Variants in ZNF493 observed in about 807,000 individuals in gnomAD.
The protein encoded by ZNF493 is zinc finger protein 493.
Under a neutral mutation model 12.2 loss-of-function variants are expected in ZNF493, and 11 were observed. The ratio of observed to expected loss-of-function variants is 0.90; its 90% CI spans 0.57 to 1.50. ZNF493 has a LOEUF of 1.50. ZNF493 is among the 40% of genes most tolerant of loss of function. The pLI, the probability that ZNF493 is intolerant of heterozygous loss-of-function variation, is 0.00. For missense variants in ZNF493, 950 were observed against 906.6 expected, an observed-to-expected ratio of 1.05 and a Z score of -0.61; for synonymous variants, 286 against 302.6, an observed-to-expected ratio of 0.95 and a Z score of 0.57.
intron 3 of ZNF493, chr19:21,413,567 A>T (rs1005457031): frequency 2.5e-6 from 1 of 407,224 alleles, no homozygotes; most frequent in Non-Finnish European, 4.3e-6. Flanking sequence ...CTCAGCATCA[A>T]TCTTGACATG....
chr19:21,415,260 TA>T (rs1430308392), intron 3 of ZNF493, among the ~76,000 whole-genome samples: 1 of 152,200 alleles, frequency 6.6e-6, no homozygotes, highest in Non-Finnish European at 1.5e-5. Flanking sequence ...CAATTAGTTG[TA>T]ACTCTCCCTC....
chr19:21,423,878 T>C lies in ZNF493; in HGVS notation c.1219T>C (p.Cys407Arg), dbSNP rs1424816380. ...TCACACTGAAGAGAAATCCCACAGA[T>C]GTGAAGAATGTGGCAAAGCTTATAA... ...IIHTEEKSHR[C>R]EECGKAYKES... Residue 407 changes from cysteine (C) to arginine (R), a missense_variant, in exon 4 of 4, where the codon TGT becomes CGT. Physicochemically the swap from Cys to Arg is radical, Grantham distance 180. Transcript: ENST00000392288. 6.2e-7 allele frequency: 1 copy of C among 1,613,522 alleles called. No homozygotes were observed.
chr19:21,417,671 CCAGTTGTGCAT>C (rs1253872691), intron 3 of ZNF493, among the ~76,000 whole-genome samples: 2 of 152,144 alleles, frequency 1.3e-5, no homozygotes, highest in African/African-American at 2.4e-5. Flanking sequence ...TCCTGCATGA[CCAGTTGTGCAT>C]CTAAACCAGC....
At position 21,426,231 on chromosome 19, in the gene ZNF493, TG is replaced by T; in HGVS notation, c.*1248del. ...AAAGTATTTAAATGGTTGTCACACT[TG>T]ATTATAGGTAATATTCATATTGGAA... On this transcript the variant is annotated 3_prime_UTR_variant, in exon 4 of 4. Transcript: ENST00000392288. 1 of 202,380 alleles carries T rather than the reference TG, an allele frequency of 4.9e-6. No individual in the cohort carries two copies. Among genetic ancestry groups the T allele is most frequent in the East Asian group, 1.4e-4 (1 of 7,076 alleles). 12.5% of individuals were successfully genotyped at this position (202,380 alleles called of 1,614,324 possible). A position where few individuals can be genotyped will look rare whatever the true frequency, so the allele number is the denominator to read the frequency against.
At chr19:21,421,897 G>C (rs755465970) in intron 3 of ZNF493, among the ~76,000 whole-genome samples, 1 of 152,014 alleles carries the variant, frequency 6.6e-6, no homozygotes, top group Non-Finnish European at 1.5e-5. Flanking sequence ...TGAGGCAGGA[G>C]TGCAGTGGCA....
intron 3 of ZNF493, among the ~76,000 whole-genome samples, chr19:21,409,530 G>A (rs865802635): frequency 6.6e-6 from 1 of 151,538 alleles, no homozygotes; most frequent in African/African-American, 2.4e-5. Context: ...GATCACTTGA[G>A]CCCAAAAGTG....
At chr19:21,408,235 C>G in intron 3 of ZNF493, 1 of 714,688 alleles carries the variant, frequency 1.4e-6, no homozygotes, top group Non-Finnish European at 1.7e-6. Context: ...AAGCGATTCT[C>G]CTACCTCAGC....
In ZNF493 at chr19:21,426,954, T is replaced by C. The variant is rs1199563546; in HGVS notation, c.*1970T>C. 9.2e-6 allele frequency: 1 copy of C among 108,770 alleles called. No homozygotes were observed. The highest frequency in any genetic ancestry group is 2.5e-5 in the Non-Finnish European group (1 of 39,330). 6.7% of individuals were successfully genotyped at this position (108,770 alleles called of 1,614,324 possible). On this transcript the variant is annotated 3_prime_UTR_variant, in exon 4 of 4. Coordinates refer to ENST00000392288, the MANE Select transcript of ZNF493 (RefSeq NM_001076678.3). Reference sequence around the variant, plus strand: ...ATAACTATATTCGGATTATACTTTGTTTCTTGAAAAAATTACAGATTTTTT... The same window carrying C: ...ATAACTATATTCGGATTATACTTTGCTTCTTGAAAAAATTACAGATTTTTT...
At chr19:21,398,509 A>C (rs983498084) in intron 1 of ZNF493, 1 of 295,506 alleles carries the variant, frequency 3.4e-6, no homozygotes, top group East Asian at 1.4e-4. Context: ...TTTCCTGGTC[A>C]TGGGTTTCAG....
At chr19:21,404,489 T>G (rs1429231833) in intron 1 of ZNF493, among the ~76,000 whole-genome samples, 1 of 152,226 alleles carries the variant, frequency 6.6e-6, no homozygotes, top group Non-Finnish European at 1.5e-5. Context: ...GCATAAACCA[T>G]CACATTTAAT....
At chr19:21,421,303 A>G (rs2030671854) in intron 3 of ZNF493, among the ~76,000 whole-genome samples, 1 of 151,680 alleles carries the variant, frequency 6.6e-6, no homozygotes, top group Non-Finnish European at 1.5e-5. Flanking sequence ...CTCTGTGTTC[A>G]TATTTCACTC....
At chr19:21,417,401 G>A (rs2030527606) in intron 3 of ZNF493, among the ~76,000 whole-genome samples, 1 of 152,146 alleles carries the variant, frequency 6.6e-6, no homozygotes, top group South Asian at 2.1e-4. Context: ...TCAACTAAAT[G>A]TGCTTTCCCT....
rs2030791562 is a variant in ZNF493 at position 21,424,445 on chromosome 19, A to G, written c.1786A>G (p.Thr596Ala). ...STLTKHKIIH[T>A]DKKPYKCEEC... ...CCTTACTAAACACAAGATAATTCAT[A>G]CTGATAAGAAACCCTACAAATGTGA... is the stretch of plus-strand genomic sequence containing the variant. Residue 596 changes from threonine (T) to alanine (A), a missense_variant, in exon 4 of 4, where the codon ACT becomes GCT. Transcript: ENST00000392288. The G allele has an allele frequency of 1.2e-6, 2 of 1,613,326 alleles. No homozygotes were observed. The highest frequency in any genetic ancestry group is 1.7e-6 in the Non-Finnish European group (2 of 1,179,726).
rs759922122 is a variant in ZNF493, at chr19:21,405,209, G to A, written c.111G>A (p.Leu37=). 1 of 1,613,878 alleles carries A rather than the reference G, an allele frequency of 6.2e-7. No homozygotes were observed. The highest frequency in any genetic ancestry group is 1.7e-5 in the Admixed American group (1 of 59,972). ...WQCLDTAQQD[L]YRKVMLENYR... The stretch of plus-strand genomic sequence containing the variant: ...GCCTGGACACTGCTCAGCAGGATTT[G>A]TATAGGAAAGTGATGTTAGAGAACT... The change falls in exon 2 of 4, where the codon TTG becomes TTA. Residue 37 remains leucine, a synonymous_variant. Coordinates refer to ENST00000392288, the MANE Select transcript of ZNF493 (RefSeq NM_001076678.3).
intron 3 of ZNF493, chr19:21,407,489 C>G (rs2030170082): frequency 4.4e-5 from 11 of 248,272 alleles, no homozygotes; most frequent in Non-Finnish European, 7.0e-5. Flanking sequence ...CGGGGTTTCA[C>G]CGTTTTAGCC....
chr19:21,423,874 C>A lies in ZNF493; in HGVS notation c.1215C>A (p.His405Gln). The A allele has an allele frequency of 6.2e-7, 1 of 1,613,498 alleles. No individual in the cohort carries two copies. Among genetic ancestry groups the A allele is most frequent in the East Asian group, 2.2e-5 (1 of 44,796 alleles). ...TAATTCACACTGAAGAGAAATCCCA[C>A]AGATGTGAAGAATGTGGCAAAGCTT... is the stretch of plus-strand genomic sequence containing the variant. ...HKIIHTEEKS[H>Q]RCEECGKAYK... Residue 405 changes from histidine to glutamine, a missense_variant, in exon 4 of 4, where the codon CAC (histidine) becomes CAA (glutamine). Physicochemically the swap from His to Gln is conservative, Grantham distance 24. Transcript: ENST00000392288.
chr19:21,417,551 G>T (rs2030530717), intron 3 of ZNF493, among the ~76,000 whole-genome samples: 1 of 152,064 alleles, frequency 6.6e-6, no homozygotes. Context: ...TCCATATACG[G>T]TTCTTTTGGT....
At chr19:21,397,341 G>A in intron 1 of ZNF493, 74 bp downstream of exon 1, 1 of 1,564,736 alleles carries the variant, frequency 6.4e-7, no homozygotes, top group Non-Finnish European at 8.8e-7. Flanking sequence ...GGCTGTGGCG[G>A]GACTCAGGCC....
In ZNF493 at chr19:21,423,356, A is replaced by C. The variant is rs1309439628; in HGVS notation, c.697A>C (p.Thr233Pro). 17 of 1,613,598 alleles carry C rather than the reference A, an allele frequency of 1.1e-5. No individual in the cohort carries two copies. The highest frequency in any genetic ancestry group is 1.4e-5 in the Non-Finnish European group (16 of 1,179,840). Residue 233 changes from threonine to proline, a missense_variant, in exon 4 of 4, where the codon ACT becomes CCT. Thr to Pro is a conservative substitution (Grantham distance 38). Transcript: ENST00000392288. ...STLTRHRRVH[T>P]GEKSYKYECG... ...CCTTACTAGACACAGGAGAGTTCAT[A>C]CTGGAGAGAAATCCTACAAATATGA...
Sources: allele counts gnomAD v4.1 joint callset (sites outside exome capture counted in the v4.1 genomes callset), GRCh38; gene constraint gnomAD v4.1.1; transcripts MANE v1.5; gene names NCBI Gene and HGNC (gene_info 2026-07-23, HGNC 2026-07-21).